The following TDRD5 variants were observed in gnomAD, a reference collection of about 807,000 sequenced individuals.
The protein encoded by TDRD5 is tudor domain containing 5, also known as tudor domain-containing protein 5.
TDRD5 carries 41 observed loss-of-function variants against 120.6 expected under a neutral mutation model. The ratio of observed to expected loss-of-function variants is 0.34; its 90% CI spans 0.26 to 0.44. The LOEUF is 0.44. TDRD5 is among the 20% of genes least tolerant of loss of function. The pLI is 1.00. For synonymous variants in TDRD5, 430 were observed against 433.7 expected (o/e 0.99, Z 0.11); for missense variants, 1,006 against 1,221.2 (o/e 0.82, Z 2.63).
intron 16 of TDRD5, among the ~76,000 whole-genome samples, chr1:179,665,701 C>T (rs911957935): frequency 3.9e-5 from 6 of 152,110 alleles, no homozygotes; most frequent in African/African-American, 1.4e-4. Context: ...TAGTTTTATA[C>T]TATTAATTTA....
At chr1:179,592,482 A>T (rs536279524) in intron 1 of TDRD5, 120 bp from the exon 2 acceptor site, 3 of 746,002 alleles carry the variant, frequency 4.0e-6, no homozygotes, top group Non-Finnish European at 6.5e-6. Flanking sequence ...TCATACTACT[A>T]CTTCTGCCTT....
At chr1:179,619,363 C>T (rs1264486624) in intron 5 of TDRD5, among the ~76,000 whole-genome samples, 1 of 152,042 alleles carries the variant, frequency 6.6e-6, no homozygotes, top group East Asian at 1.9e-4. Context: ...ATTTGTTTTA[C>T]CTTACTAACA....
At chr1:179,687,248 G>A (rs1680775400) in intron 17 of TDRD5, among the ~76,000 whole-genome samples, 1 of 152,118 alleles carries the variant, frequency 6.6e-6, no homozygotes, top group African/African-American at 2.4e-5. Flanking sequence ...TTGTGTCTTT[G>A]TTCTCATTGG....
At chr1:179,655,740 G>T (rs1678973429) in intron 14 of TDRD5, among the ~76,000 whole-genome samples, 1 of 152,086 alleles carries the variant, frequency 6.6e-6, no homozygotes, top group African/African-American at 2.4e-5. Flanking sequence ...CTTTCATTCA[G>T]TATATTTCTG....
At chr1:179,679,656 C>T (rs1680321063) in intron 17 of TDRD5, among the ~76,000 whole-genome samples, 1 of 151,898 alleles carries the variant, frequency 6.6e-6, no homozygotes, top group Non-Finnish European at 1.5e-5. Context: ...CATAAATTTT[C>T]ATATTATTCC....
intron 6 of TDRD5, among the ~76,000 whole-genome samples, chr1:179,628,305 ATTTCTTTTCT>A (rs201909440): frequency 1.8e-5 from 2 of 108,384 alleles, no homozygotes; most frequent in South Asian, 3.0e-4. Flanking sequence ...CAATTTATTT[ATTTCTTTTCT>A]TTTCTTTTCT....
At chr1:179,620,345 A>C (rs1319162954) in intron 5 of TDRD5, among the ~76,000 whole-genome samples, 1 of 152,194 alleles carries the variant, frequency 6.6e-6, no homozygotes, top group Non-Finnish European at 1.5e-5. Context: ...ACCTTTAGGA[A>C]ATTATTCTAA....
In TDRD5 at chr1:179,691,007, C is replaced by A. The variant is rs557133472; in HGVS notation, c.*64C>A. Reference sequence around the variant, plus strand: ...CTTAGGCTTTGATGAACTCCCAGGCCAAAATGAGGAGTTATTGAAGCAAAA... The same window carrying A: ...CTTAGGCTTTGATGAACTCCCAGGCAAAAATGAGGAGTTATTGAAGCAAAA... On this transcript the variant is annotated 3_prime_UTR_variant, in exon 18 of 18. Coordinates refer to ENST00000444136, the MANE Select transcript of TDRD5 (RefSeq NM_001199085.3). 2 of 1,542,980 alleles carry A rather than the reference C, an allele frequency of 1.3e-6. No individual in the cohort carries two copies. The highest frequency in any genetic ancestry group is 2.5e-5 in the South Asian group (2 of 81,336).
intron 11 of TDRD5, among the ~76,000 whole-genome samples, chr1:179,641,807 G>C (rs1572386799): frequency 6.6e-6 from 1 of 152,144 alleles, no homozygotes; most frequent in African/African-American, 2.4e-5. Context: ...AGGTAAATGT[G>C]CATCATCGCC....
rs1363019505 is a variant in TDRD5 at position 179,691,218 on chromosome 1, GTGTT to G, written c.*281_*284del. ...GTAGTTTAAAGGAATTTGTTTTTTT[GTGTT>G]TGTTTTTCTTGTACATTATCATGAC... On this transcript the variant is annotated 3_prime_UTR_variant, in exon 18 of 18. Transcript: ENST00000444136. The G allele has an allele frequency of 2.2e-5, 6 of 278,152 alleles. No homozygotes were observed. The highest frequency in any genetic ancestry group is 1.8e-4 in the South Asian group (3 of 16,354). The allele number at this position is 278,152 out of a possible 1,614,324, so 17.2% of individuals were successfully genotyped here.
At chr1:179,646,203 T>A (rs10047114) in intron 11 of TDRD5, among the ~76,000 whole-genome samples, 2,620 of 152,324 alleles carry the variant, frequency 0.017, 54 homozygotes, top group African/African-American at 0.059. Context: ...ATTATTTTAA[T>A]GATTACTCTA....
intron 17 of TDRD5, among the ~76,000 whole-genome samples, chr1:179,679,550 CA>C (rs1680316822): frequency 6.6e-6 from 1 of 152,078 alleles, no homozygotes; most frequent in Non-Finnish European, 1.5e-5. Context: ...TTAATAGATA[CA>C]AGGTTATTGA....
Position 179,690,942 on chromosome 1 carries a change from G to T in TDRD5, c.3107G>T (p.Ter1036LeuextTer42). The change falls in exon 18 of 18, where the codon TGA (stop) becomes TTA (leucine). Residue 1036 changes from the stop codon to leucine, a stop_lost. Coordinates refer to ENST00000444136, the MANE Select transcript of TDRD5 (RefSeq NM_001199085.3). ...WYPSVKRMEA[*>L] The stretch of plus-strand genomic sequence containing the variant: ...CCCAGTGTGAAAAGGATGGAAGCAT[G>T]AGGGAGGGAGGGAGGAGGGAGAAAA... The T allele has an allele frequency of 6.3e-7, 1 of 1,599,032 alleles. No homozygotes were observed. Among genetic ancestry groups the T allele is most frequent in the South Asian group, 1.1e-5 (1 of 89,588 alleles).
At chr1:179,632,169 G>A (rs1160083125) in intron 7 of TDRD5, among the ~76,000 whole-genome samples, 1 of 151,954 alleles carries the variant, frequency 6.6e-6, no homozygotes, top group East Asian at 1.9e-4. Flanking sequence ...GCCTCCCAAA[G>A]TGCTGGGATT....
chr1:179,600,779 A>G (rs1192066627), intron 4 of TDRD5, among the ~76,000 whole-genome samples: 2 of 152,204 alleles, frequency 1.3e-5, no homozygotes, highest in South Asian at 2.1e-4. Flanking sequence ...AAGTATTGCT[A>G]TAGCTACATC....
intron 5 of TDRD5, 46 bp downstream of exon 5, chr1:179,618,728 A>G: frequency 7.3e-7 from 1 of 1,377,914 alleles, no homozygotes; most frequent in Non-Finnish European, 9.9e-7. Flanking sequence ...TGATTTATAA[A>G]TTTATATATC....
chr1:179,651,016 C>G lies in TDRD5; in HGVS notation c.1950C>G (p.Val650=). 6.2e-7 allele frequency: 1 copy of G among 1,614,090 alleles called. No homozygotes were observed. Residue 650 remains valine (V), a synonymous_variant, in exon 12 of 18, where the codon GTC becomes GTG. Transcript: ENST00000444136. The part of the protein sequence containing the change: ...SSNEDVYFHH[V]LRTEGHAIVC... The stretch of plus-strand genomic sequence containing the variant: ...ACGAAGATGTCTATTTCCATCATGT[C>G]TTGAGAACAGAGGGCCATGCTATTG...
intron 4 of TDRD5, among the ~76,000 whole-genome samples, chr1:179,596,643 A>C (rs1675406768): frequency 6.6e-6 from 1 of 152,262 alleles, no homozygotes; most frequent in South Asian, 2.1e-4. Context: ...TGTATATATC[A>C]GTAATTTGTT....
At chr1:179,647,638 C>G (rs1237280743) in intron 11 of TDRD5, among the ~76,000 whole-genome samples, 2 of 151,990 alleles carry the variant, frequency 1.3e-5, no homozygotes, top group Non-Finnish European at 2.9e-5. Flanking sequence ...GCAAAAGAAA[C>G]TACCATCAGA....
Sources: allele counts gnomAD v4.1 joint callset (sites outside exome capture counted in the v4.1 genomes callset), GRCh38; gene constraint gnomAD v4.1.1; transcripts MANE v1.5; gene names NCBI Gene and HGNC (gene_info 2026-07-23, HGNC 2026-07-21).